SEC31A: variants seen among roughly 807,000 people sequenced by gnomAD.
SEC31A encodes SEC31 homolog A, COPII component.
SEC31A carries 70 observed loss-of-function variants against 151.0 expected under a neutral mutation model. The ratio of observed to expected loss-of-function variants is 0.46; its 90% CI spans 0.38 to 0.57. The LOEUF (loss-of-function observed/expected upper bound fraction) is 0.57. Among genes scored for constraint, SEC31A ranks in the 20% least tolerant of loss-of-function variants. The pLI, the probability that SEC31A is intolerant of heterozygous loss-of-function variation, is 0.00. For missense variants in SEC31A, 1,330 were observed against 1,471.2 expected (o/e 0.90, Z 1.57); for synonymous variants, 475 against 505.9 (o/e 0.94, Z 0.82).
upstream of SEC31A, chr4:82,893,845 ACTGAGAGTT>A (rs1398386439): frequency 1.3e-5 from 2 of 152,292 alleles, no homozygotes; most frequent in African/African-American, 4.8e-5. Flanking sequence ...TCCCTAAAGA[ACTGAGAGTT>A]CTGGGAATTT....
chr4:82,862,069 C>A (rs533389022), intron 13 of SEC31A, among the ~76,000 whole-genome samples: 1 of 151,540 alleles, frequency 6.6e-6, no homozygotes, highest in Non-Finnish European at 1.5e-5. Flanking sequence ...TGTGCCACCA[C>A]GCCCAGCTAA....
intron 1 of SEC31A, among the ~76,000 whole-genome samples, chr4:82,888,385 CATAT>C (rs773097915): frequency 2.5e-5 from 3 of 122,440 alleles, no homozygotes; most frequent in Admixed American, 1.6e-4. Flanking sequence ...ACACAAAAAA[CATAT>C]ATATATATAC....
Position 82,821,115 on chromosome 4 carries a change from G to C in SEC31A, c.3412-7C>G. On this transcript the variant is annotated splice_polypyrimidine_tract_variant and splice_region_variant and intron_variant, in intron 25 of 26. Transcript: ENST00000395310. ...CTAGCTTCCTCTTGGTTTGCTGCAG[G>C]AAAGAAAAAATAGATGTTATATTTG... 1 of 1,611,038 alleles carries C rather than the reference G, an allele frequency of 6.2e-7. No individual in the cohort carries two copies. The highest frequency in any genetic ancestry group is 2.2e-5 in the East Asian group (1 of 44,808).
At chr4:82,871,512 A>G (rs1206399257) in intron 7 of SEC31A, 1 of 967,670 alleles carries the variant, frequency 1.0e-6, no homozygotes, top group South Asian at 1.4e-5. Context: ...ACGGTGGCCC[A>G]TGCCTGTATT....
intron 3 of SEC31A, 78 bp downstream of exon 3, chr4:82,880,721 G>T: frequency 8.3e-7 from 1 of 1,210,672 alleles, no homozygotes; most frequent in Non-Finnish European, 1.1e-6. Flanking sequence ...TCTAATAATG[G>T]CATAATTATA....
At position 82,857,000 on chromosome 4, in the gene SEC31A, A is replaced by C; in HGVS notation, c.1833T>G (p.Ala611=). ...TTGCGAAGTATTTTTTCTGGGTTCG[A>C]GCCAAGAGTTCTTGTCCACCTGCTA... is the stretch of plus-strand genomic sequence containing the variant. ...LAIAGGQELL[A]RTQKKYFAKS... The change falls in exon 16 of 27, where the codon GCT becomes GCG. Residue 611 remains alanine, a synonymous_variant. Coordinates refer to ENST00000395310, the MANE Select transcript of SEC31A (RefSeq NM_001077207.4). The C allele has an allele frequency of 6.2e-7, 1 of 1,612,834 alleles. No homozygotes were observed. Among genetic ancestry groups the C allele is most frequent in the Non-Finnish European group, 8.5e-7 (1 of 1,179,622 alleles).
chr4:82,850,315 C>T (rs1731222767), intron 19 of SEC31A, among the ~76,000 whole-genome samples: 1 of 151,722 alleles, frequency 6.6e-6, no homozygotes, highest in Admixed American at 6.6e-5. Context: ...ACTAGTATGC[C>T]AAAGTCACCA....
chr4:82,863,042 A>C (rs1734533586), intron 12 of SEC31A, among the ~76,000 whole-genome samples: 1 of 152,364 alleles, frequency 6.6e-6, no homozygotes, highest in Non-Finnish European at 1.5e-5. Flanking sequence ...CACATGCAAC[A>C]ACCTGCAATG....
rs368362825 is a variant in SEC31A at position 82,878,840 on chromosome 4, T to C, written c.292A>G (p.Ile98Val). The C allele has an allele frequency of 2.4e-5, 38 of 1,613,868 alleles. No individual in the cohort carries two copies. Among genetic ancestry groups the C allele is most frequent in the Middle Eastern group, 1.6e-4 (1 of 6,082 alleles). The change falls in exon 4 of 27, where the codon ATT (isoleucine) becomes GTT (valine). Residue 98 changes from isoleucine to valine, a missense_variant. Ile to Val is a conservative substitution (Grantham distance 29, BLOSUM62 3). Coordinates refer to ENST00000395310, the MANE Select transcript of SEC31A (RefSeq NM_001077207.4). ...VLIAGGENGN[I>V]ILYDPSKIIA... ...ATTTTAGAAGGATCATAGAGAATAA[T>C]ATTTCCATTTTCACCACCTGCAATC... is the stretch of plus-strand genomic sequence containing the variant.
chr4:82,837,801 C>T (rs1314682975), intron 22 of SEC31A, among the ~76,000 whole-genome samples: 1 of 152,200 alleles, frequency 6.6e-6, no homozygotes. Flanking sequence ...CATCCTTACC[C>T]AATCCCACTT....
intron 22 of SEC31A, among the ~76,000 whole-genome samples, chr4:82,830,250 C>A (rs1015502653): frequency 6.6e-6 from 1 of 152,146 alleles, no homozygotes; most frequent in Admixed American, 6.6e-5. Context: ...CACTTGAGGT[C>A]AGGAGTTCGA....
chr4:82,835,797 G>A (rs1727086616), intron 22 of SEC31A, among the ~76,000 whole-genome samples: 1 of 151,918 alleles, frequency 6.6e-6, no homozygotes, highest in Non-Finnish European at 1.5e-5. Context: ...AAAAAAAAAG[G>A]AAAAAGTAAG....
chr4:82,849,918 G>A (rs1280989056), intron 19 of SEC31A, among the ~76,000 whole-genome samples: 1 of 152,012 alleles, frequency 6.6e-6, no homozygotes, highest in East Asian at 1.9e-4. Context: ...CTATATATTT[G>A]TTAAAGGTTT....
chr4:82,896,511 C>G (rs1483355713), intron 3 of SEC31A, among the ~76,000 whole-genome samples: 1 of 152,122 alleles, frequency 6.6e-6, no homozygotes, highest in Non-Finnish European at 1.5e-5. Context: ...AGCCACCATG[C>G]CTGGCCAAGA....
rs1722744817 is a variant in SEC31A, at chr4:82,818,778, G to A, written c.*296C>T. On this transcript the variant is annotated 3_prime_UTR_variant, in exon 27 of 27. Coordinates refer to ENST00000395310, the MANE Select transcript of SEC31A (RefSeq NM_001077207.4). ...GCTCCTTTTCTAAAAAGTATATTGA[G>A]GTTTTAAAAAACACATTTATCAGAA... 4.4e-6 allele frequency: 1 copy of A among 226,354 alleles called. No individual in the cohort carries two copies. Among genetic ancestry groups the A allele is most frequent in the African/African-American group, 2.3e-5 (1 of 44,258 alleles). 14.0% of individuals were successfully genotyped at this position (226,354 alleles called of 1,614,324 possible).
chr4:82,881,508 A>C (rs1334700711), intron 2 of SEC31A, among the ~76,000 whole-genome samples: 1 of 152,202 alleles, frequency 6.6e-6, no homozygotes, highest in Non-Finnish European at 1.5e-5. Flanking sequence ...GCTTATAGAC[A>C]TATATGATAT....
intron 1 of SEC31A, chr4:82,900,287 C>CT (rs756694807): frequency 1.9e-5 from 3 of 155,912 alleles, no homozygotes; most frequent in Non-Finnish European, 4.3e-5. Flanking sequence ...TGGCCCGACT[C>CT]TGTCTTCAAC....
chr4:82,856,388 AC>A (rs1255590619), intron 16 of SEC31A, among the ~76,000 whole-genome samples: 1 of 148,124 alleles, frequency 6.8e-6, no homozygotes, highest in Non-Finnish European at 1.5e-5. Context: ...TGACCTCGTG[AC>A]CCCCCCACCT....
At position 82,854,974 on chromosome 4, in the gene SEC31A, A is replaced by G. The variant is rs1436151910; in HGVS notation, c.1937T>C (p.Leu646Pro). 4.3e-6 allele frequency: 7 copies of G among 1,613,866 alleles called. No individual in the cohort carries two copies. The highest frequency in any genetic ancestry group is 2.5e-6 in the Non-Finnish European group (3 of 1,179,948). The change falls in exon 17 of 27, where the codon CTT becomes CCT. Residue 646 changes from leucine to proline, a missense_variant. By Grantham distance (98) the Leu-to-Pro change is moderately conservative. Coordinates refer to ENST00000395310, the MANE Select transcript of SEC31A (RefSeq NM_001077207.4). ...AGCTAAAGCCTCTCTCCAATTTTTA[A>G]GATCACAAGACTCAACAATCTCTTT... ...NWKEIVESCD[L>P]KNWREALAAV...
Sources: allele counts gnomAD v4.1 joint callset (sites outside exome capture counted in the v4.1 genomes callset), GRCh38; gene constraint gnomAD v4.1.1; transcripts MANE v1.5; gene names NCBI Gene and HGNC (gene_info 2026-07-23, HGNC 2026-07-21).